The following XCL2 variants were observed in gnomAD, a reference collection of about 807,000 sequenced individuals.
The protein encoded by XCL2 is cytokine SCM-1 beta.
A neutral mutation model predicts 7.2 loss-of-function variants in XCL2; 8 were observed. The observed-to-expected ratio is 1.10, with a 90% CI of 0.65 to 1.99. XCL2 has a LOEUF of 1.99. XCL2 is among the 30% of genes most tolerant of loss of function. XCL2 has a pLI of 0.00. For missense variants in XCL2, 131 were observed against 138.6 expected, an observed-to-expected ratio of 0.94 and a Z score of 0.28; for synonymous variants, 46 against 54.2, an observed-to-expected ratio of 0.85 and a Z score of 0.67.
At chr1:168,543,828 C>A in intron 1 of XCL2, 76 bp downstream of exon 1, 2 of 1,604,630 alleles carry the variant, frequency 1.2e-6, no homozygotes, top group South Asian at 2.2e-5. Flanking sequence ...CAGTCAAAAC[C>A]CGAGTCAAAC....
chr1:168,541,321 C>T (rs965250694), intron 2 of XCL2, among the ~76,000 whole-genome samples: 2 of 152,118 alleles, frequency 1.3e-5, no homozygotes, highest in African/African-American at 4.8e-5. Context: ...CAAGTAGTAT[C>T]CAGCCCCTTT....
intron 2 of XCL2, among the ~76,000 whole-genome samples, chr1:168,541,574 T>C (rs1465896893): frequency 6.6e-6 from 1 of 152,124 alleles, no homozygotes; most frequent in Non-Finnish European, 1.5e-5. Context: ...AAAGGGACCA[T>C]GTAGGTTGTG....
intron 1 of XCL2, among the ~76,000 whole-genome samples, 174 bp from the exon 2 acceptor site, chr1:168,542,281 A>G (rs1429528192): frequency 6.6e-6 from 1 of 152,054 alleles, no homozygotes; most frequent in Non-Finnish European, 1.5e-5. Flanking sequence ...ACAGATTCTT[A>G]GTAAATATTT....
In XCL2 at chr1:168,543,884, C is replaced by T. The variant is rs753161243; in HGVS notation, c.61+20G>A. On this transcript the variant is annotated intron_variant, in intron 1 of 2. Coordinates refer to ENST00000367819, the MANE Select transcript of XCL2 (RefSeq NM_003175.4). ...CCTTGCCTCCCTATTCTTTATCTCACAGACAGCTTCTCCACTTACCTTCCA... is the reference window on the plus strand; with the variant it reads ...CCTTGCCTCCCTATTCTTTATCTCATAGACAGCTTCTCCACTTACCTTCCA... 9.4e-6 allele frequency: 15 copies of T among 1,594,672 alleles called. 1 individual carries two copies. Among genetic ancestry groups the T allele is most frequent in the African/African-American group, 1.4e-5 (1 of 73,622 alleles).
chr1:168,540,868 T>C lies in XCL2; in HGVS notation c.*84A>G, dbSNP rs1654259801. On this transcript the variant is annotated 3_prime_UTR_variant, in exon 3 of 3. Transcript: ENST00000367819. ...TAATTTTATTCATGCAGTGCTTTCA[T>C]AAAAGGTGAGTATAATCTCAGTCCA... 1.0e-5 allele frequency: 15 copies of C among 1,481,750 alleles called. No individual in the cohort carries two copies. Among genetic ancestry groups the C allele is most frequent in the Non-Finnish European group, 1.4e-5 (15 of 1,108,116 alleles). The allele number at this position is 1,481,750 out of a possible 1,614,324, so 91.8% of individuals were successfully genotyped here.
At chr1:168,542,404 C>G (rs1363723641) in intron 1 of XCL2, among the ~76,000 whole-genome samples, 1 of 152,050 alleles carries the variant, frequency 6.6e-6, no homozygotes, top group East Asian at 1.9e-4. Context: ...TTTGGGACGG[C>G]TAGCAAATGC....
At position 168,542,124 on chromosome 1, in the gene XCL2, A is replaced by G. The variant is rs770179447; in HGVS notation, c.62-17T>C. The stretch of plus-strand genomic sequence containing the variant: ...TCCCTACACCTGATGAGGAAAAAAA[A>G]ACAACAGACAATTAAAAATAAAGCA... On this transcript the variant is annotated splice_polypyrimidine_tract_variant and intron_variant, in intron 1 of 2. Coordinates refer to ENST00000367819, the MANE Select transcript of XCL2 (RefSeq NM_003175.4). 4.1e-6 allele frequency: 6 copies of G among 1,470,014 alleles called. No homozygotes were observed. The highest frequency in any genetic ancestry group is 5.5e-6 in the Non-Finnish European group (6 of 1,091,070). 91.1% of individuals were successfully genotyped at this position (1,470,014 alleles called of 1,614,324 possible). A position where few individuals can be genotyped will look rare whatever the true frequency, so the allele number is the denominator to read the frequency against.
intron 1 of XCL2, 66 bp from the exon 2 acceptor site, chr1:168,542,173 C>T (rs866261327): frequency 2.1e-5 from 28 of 1,341,548 alleles, no homozygotes; most frequent in South Asian, 5.4e-5. Context: ...CAGGAACAAT[C>T]GTCTGTTAAA....
Position 168,542,054 on chromosome 1 carries a change from G to T in XCL2, c.115C>A (p.Arg39=). 14 of 1,588,118 alleles carry T rather than the reference G, an allele frequency of 8.8e-6. No homozygotes were observed. The highest frequency in any genetic ancestry group is 1.3e-5 in the African/African-American group (1 of 74,080). The change falls in exon 2 of 3, where the codon CGA becomes AGA. Residue 39 remains arginine, a synonymous_variant. Coordinates refer to ENST00000367819, the MANE Select transcript of XCL2 (RefSeq NM_003175.4). The stretch of plus-strand genomic sequence containing the variant: ...GTCTTGATTCTGCTAACTGGCAGTC[G>T]CTGGGTAGTGAGGCTCACACAGGTC... ...RRTCVSLTTQ[R]LPVSRIKTYT...
chr1:168,541,045 C>G lies in XCL2; in HGVS notation c.252G>C (p.Met84Ile). Reference sequence around the variant, plus strand: ...TATTTCTGGTGTTGGATTTCCTGTCCATGCTCCTGACCACGTCTCTCACCC... The same window carrying G: ...TATTTCTGGTGTTGGATTTCCTGTCGATGCTCCTGACCACGTCTCTCACCC... ...ATWVRDVVRS[M>I]DRKSNTRNNM... The change falls in exon 3 of 3, where the codon ATG becomes ATC. Residue 84 changes from methionine to isoleucine, a missense_variant. By Grantham distance (10) the Met-to-Ile change is conservative (BLOSUM62 1). Transcript: ENST00000367819. The G allele has an allele frequency of 6.2e-7, 1 of 1,613,678 alleles. No homozygotes were observed. Among genetic ancestry groups the G allele is most frequent in the Non-Finnish European group, 8.5e-7 (1 of 1,179,724 alleles).
In XCL2 at chr1:168,541,027, G is replaced by C; in HGVS notation, c.270C>G (p.Thr90=). The C allele has an allele frequency of 6.2e-7, 1 of 1,613,628 alleles. No homozygotes were observed. The highest frequency in any genetic ancestry group is 1.1e-5 in the South Asian group (1 of 91,068). Residue 90 remains threonine, a synonymous_variant, in exon 3 of 3, where the codon ACC becomes ACG. Transcript: ENST00000367819. ...VVRSMDRKSN[T]RNNMIQTKPT... is the part of the protein sequence containing the mutation. ...GCTTGGTCTGGATCATGTTATTTCT[G>C]GTGTTGGATTTCCTGTCCATGCTCC...
At position 168,540,984 on chromosome 1, in the gene XCL2, A is replaced by G; in HGVS notation, c.313T>C (p.Ser105Pro). Residue 105 changes from serine (S) to proline (P), a missense_variant, in exon 3 of 3, where the codon TCG becomes CCG. By Grantham distance (74) the Ser-to-Pro change is moderately conservative. Transcript: ENST00000367819. Reference protein sequence around the residue: ...IQTKPTGTQQSTNTAVTLTG With the variant: ...IQTKPTGTQQPTNTAVTLTG ...GTCAGGGTCACAGCTGTATTGGTCG[A>G]TTGCTGGGTTCCTGTTGGCTTGGTC... 1.2e-6 allele frequency: 2 copies of G among 1,613,562 alleles called. No individual in the cohort carries two copies. Among genetic ancestry groups the G allele is most frequent in the South Asian group, 1.1e-5 (1 of 91,064 alleles).
chr1:168,541,045 C>T lies in XCL2; in HGVS notation c.252G>A (p.Met84Ile), dbSNP rs1654267985. The T allele has an allele frequency of 3.1e-6, 5 of 1,613,560 alleles. No individual in the cohort carries two copies. The South Asian group carries it at 5.5e-5, about 18-fold the overall frequency. ...TATTTCTGGTGTTGGATTTCCTGTC[C>T]ATGCTCCTGACCACGTCTCTCACCC... ...ATWVRDVVRS[M>I]DRKSNTRNNM... is the part of the protein sequence containing the mutation. Residue 84 changes from methionine (M) to isoleucine (I), a missense_variant, in exon 3 of 3, where the codon ATG becomes ATA. Transcript: ENST00000367819.
At chr1:168,542,142 A>T in intron 1 of XCL2, 35 bp from the exon 2 acceptor site, 1 of 1,471,996 alleles carries the variant, frequency 6.8e-7, no homozygotes, top group Non-Finnish European at 9.2e-7. Context: ...ACAATTAAAA[A>T]TAAAGCAATT....
intron 1 of XCL2, 37 bp from the exon 2 acceptor site, chr1:168,542,144 A>G: frequency 6.8e-7 from 1 of 1,468,482 alleles, no homozygotes; most frequent in Non-Finnish European, 9.2e-7. Flanking sequence ...AATTAAAAAT[A>G]AAGCAATTAC....
In XCL2 at chr1:168,542,687, C is replaced by T. The variant is rs28459158; in HGVS notation, c.62-580G>A. 6.8e-5 allele frequency: 11 copies of T among 161,566 alleles called. No homozygotes were observed. The East Asian group carries it at 9.4e-4, about 14-fold the overall frequency. The allele number at this position is 161,566 out of a possible 1,614,324, so 10.0% of individuals were successfully genotyped here. On this transcript the variant is annotated intron_variant, in intron 1 of 2. Coordinates refer to ENST00000367819, the MANE Select transcript of XCL2 (RefSeq NM_003175.4). The stretch of plus-strand genomic sequence containing the variant: ...TTTGACTGAGTAAATAAAGGTGTTC[C>T]CCTTTTTAAATGGTCAAATTTCCCT...
At chr1:168,542,361 T>C (rs955659618) in intron 1 of XCL2, among the ~76,000 whole-genome samples, 7 of 151,862 alleles carry the variant, frequency 4.6e-5, no homozygotes, top group Non-Finnish European at 8.8e-5. Flanking sequence ...AACAAGATGT[T>C]ATCCCGTCTC....
intron 2 of XCL2, among the ~76,000 whole-genome samples, chr1:168,541,675 G>A (rs747341101): frequency 1.1e-4 from 16 of 152,110 alleles, no homozygotes; most frequent in Admixed American, 1.0e-3. Context: ...AGTGAGGCTT[G>A]CAGGGAAACC....
rs1218208703 is a variant in XCL2 at position 168,540,969 on chromosome 1, C to T, written c.328G>A (p.Val110Met). The T allele has an allele frequency of 9.9e-6, 16 of 1,613,536 alleles. No homozygotes were observed. The highest frequency in any genetic ancestry group is 6.6e-5 in the South Asian group (6 of 91,072). Residue 110 changes from valine to methionine, a missense_variant, in exon 3 of 3, where the codon GTG (valine) becomes ATG (methionine). Physicochemically the swap from Val to Met is conservative, Grantham distance 21. Coordinates refer to ENST00000367819, the MANE Select transcript of XCL2 (RefSeq NM_003175.4). ...TGTQQSTNTA[V>M]TLTG ...AGAGACTACTAGCCAGTCAGGGTCACAGCTGTATTGGTCGATTGCTGGGTT... is the reference window on the plus strand; with the variant it reads ...AGAGACTACTAGCCAGTCAGGGTCATAGCTGTATTGGTCGATTGCTGGGTT...
Sources: gnomAD v4.1 joint callset for allele counts (sites outside exome capture counted in the v4.1 genomes callset) on GRCh38, gnomAD v4.1.1 for gene constraint, MANE v1.5 for transcripts, NCBI Gene and HGNC (gene_info 2026-07-23, HGNC 2026-07-21) for gene names.